The following SAMD12 variants were observed in gnomAD, a reference collection of about 807,000 sequenced individuals.
The protein encoded by SAMD12 is sterile alpha motif domain containing 12.
SAMD12 carries 9 observed loss-of-function variants against 15.0 expected under a neutral mutation model. That is an observed-to-expected ratio of 0.60 (90% CI 0.36 to 1.05). SAMD12 has a LOEUF of 1.05. Ranked by LOEUF, SAMD12 falls within the 50% of genes least tolerant of loss-of-function variation. SAMD12 has a pLI of 0.01. For missense variants in SAMD12, 230 were observed against 234.2 expected (o/e 0.98, Z 0.12); for synonymous variants, 86 against 90.1 (o/e 0.96, Z 0.25).
downstream of SAMD12, among the ~76,000 whole-genome samples, chr8:118,373,820 A>T (rs1819235407): frequency 6.6e-6 from 1 of 152,104 alleles, no homozygotes. Context: ...TACACTTTCT[A>T]CGTATTTGCA....
At chr8:118,221,580 G>C (rs375911857) in intron 4 of SAMD12, among the ~76,000 whole-genome samples, 1 of 152,112 alleles carries the variant, frequency 6.6e-6, no homozygotes, top group Non-Finnish European at 1.5e-5. Context: ...TGAGGGGTGG[G>C]AGAGAGATGG....
chr8:118,144,850 G>A, the SAMD12 span, among the ~76,000 whole-genome samples: 8 of 152,190 alleles, frequency 5.3e-5, no homozygotes, highest in Non-Finnish European at 1.0e-4. Flanking sequence ...TTCAACTGAG[G>A]TACTAAAAAT....
intron 3 of SAMD12, among the ~76,000 whole-genome samples, chr8:118,421,185 T>C (rs1414404553): frequency 6.6e-6 from 1 of 152,220 alleles, no homozygotes; most frequent in African/African-American, 2.4e-5. Context: ...TTAGACATTT[T>C]ATGAAAATTA....
chr8:118,539,135 T>C (rs1315448541), intron 2 of SAMD12, among the ~76,000 whole-genome samples: 3 of 152,252 alleles, frequency 2.0e-5, no homozygotes, highest in African/African-American at 7.2e-5. Context: ...ATCTGCTGCA[T>C]TGCTTTAGCA....
chr8:118,270,201 T>C (rs1012962557), intron 4 of SAMD12, among the ~76,000 whole-genome samples: 1 of 152,200 alleles, frequency 6.6e-6, no homozygotes, highest in Non-Finnish European at 1.5e-5. Context: ...CATATCCCTG[T>C]TAATACTAAC....
rs146277801 is a variant in SAMD12 at position 118,462,114 on chromosome 8, G to A, written c.193-22153C>T. Among the ~76,000 whole-genome samples the A allele has an allele frequency of 5.9e-5, 9 of 152,286 alleles. No homozygotes were observed. The East Asian group carries it at 1.7e-3, about 29-fold the overall frequency. On this transcript the variant is annotated intron_variant, in intron 2 of 3. Coordinates refer to ENST00000314727, the MANE Select transcript of SAMD12 (RefSeq NM_207506.3). ...CTAATTTTACTATAGTCCCATGTCT[G>A]TTCCTTCCTAAGCCTCCTTTATTTC...
At chr8:118,412,519 G>T (rs1422419225) in intron 3 of SAMD12, among the ~76,000 whole-genome samples, 1 of 152,178 alleles carries the variant, frequency 6.6e-6, no homozygotes, top group Non-Finnish European at 1.5e-5. Flanking sequence ...AGTGGTGTCT[G>T]TGTCCTTTCT....
intron 4 of SAMD12, among the ~76,000 whole-genome samples, chr8:118,216,151 G>A (rs1162128318): frequency 2.0e-5 from 3 of 148,888 alleles, no homozygotes; most frequent in African/African-American, 4.9e-5. Flanking sequence ...TTTAATGATT[G>A]CCATTCTAAC....
intron 2 of SAMD12, among the ~76,000 whole-genome samples, chr8:118,493,301 C>T (rs1020649862): frequency 2.6e-5 from 4 of 152,152 alleles, no homozygotes; most frequent in Non-Finnish European, 5.9e-5. Context: ...TCTATTACTC[C>T]TACTGCATAC....
intron 3 of SAMD12, among the ~76,000 whole-genome samples, chr8:118,410,155 G>C (rs887422408): frequency 2.0e-5 from 3 of 152,020 alleles, no homozygotes; most frequent in Admixed American, 2.0e-4. Context: ...TATATCTAAG[G>C]CTATTTACAC....
At chr8:118,520,432 C>T (rs1027399852) in intron 2 of SAMD12, among the ~76,000 whole-genome samples, 2 of 152,154 alleles carry the variant, frequency 1.3e-5, no homozygotes, top group Admixed American at 6.5e-5. Context: ...ATCACTTTCT[C>T]AGAAGTCTAT....
intron 3 of SAMD12, among the ~76,000 whole-genome samples, chr8:118,411,504 A>T (rs114668594): frequency 6.6e-6 from 1 of 152,210 alleles, no homozygotes; most frequent in Non-Finnish European, 1.5e-5. Context: ...AAAGCATCAC[A>T]GGGATTTAAA....
At chr8:118,472,742 A>T (rs1479339383) in intron 2 of SAMD12, among the ~76,000 whole-genome samples, 1 of 151,628 alleles carries the variant, frequency 6.6e-6, no homozygotes, top group Non-Finnish European at 1.5e-5. Context: ...GTGGTTTTCC[A>T]CTGGAATATC....
intron 2 of SAMD12, among the ~76,000 whole-genome samples, chr8:118,520,253 C>T (rs1825352534): frequency 1.3e-5 from 2 of 152,100 alleles, no homozygotes; most frequent in African/African-American, 4.8e-5. Context: ...AATATCTTTC[C>T]ATCTTCAAAT....
In SAMD12 at chr8:118,514,661, T is replaced by C. The variant is rs572156915; in HGVS notation, c.192+66054A>G. On this transcript the variant is annotated intron_variant, in intron 2 of 3. Coordinates refer to ENST00000314727, the MANE Select transcript of SAMD12 (RefSeq NM_207506.3). ...ACATAAAATAATTAAATAGAGACAA[T>C]TATAGGTAATATTAGATGCCTACCT... Among the ~76,000 whole-genome samples the C allele has an allele frequency of 2.6e-5, 4 of 152,350 alleles. No individual in the cohort carries two copies. The South Asian group carries it at 8.3e-4, about 32-fold the overall frequency.
At chr8:118,459,280 G>T (rs1372188985) in intron 2 of SAMD12, among the ~76,000 whole-genome samples, 9 of 152,008 alleles carry the variant, frequency 5.9e-5, no homozygotes, top group Non-Finnish European at 1.0e-4. Context: ...TGGCCAGGCT[G>T]GTCTCAAATT....
At chr8:118,498,351 T>G (rs1232034343) in intron 2 of SAMD12, among the ~76,000 whole-genome samples, 1 of 152,234 alleles carries the variant, frequency 6.6e-6, no homozygotes, top group Non-Finnish European at 1.5e-5. Flanking sequence ...TGCAATGAAA[T>G]ATAAAATAAG....
intron 1 of SAMD12, among the ~76,000 whole-genome samples, chr8:118,594,068 C>G (rs1298544116): frequency 1.3e-5 from 2 of 152,128 alleles, no homozygotes; most frequent in African/African-American, 4.8e-5. Flanking sequence ...TTGTTATAAG[C>G]TTTTAGAGAC....
the SAMD12 span, among the ~76,000 whole-genome samples, chr8:118,162,519 A>G: frequency 6.6e-6 from 1 of 151,960 alleles, no homozygotes; most frequent in Non-Finnish European, 1.5e-5. Flanking sequence ...GATAATGATG[A>G]GTTCATTGGA....
Sources: allele counts gnomAD v4.1 joint callset (sites outside exome capture counted in the v4.1 genomes callset), GRCh38; gene constraint gnomAD v4.1.1; transcripts MANE v1.5; gene names NCBI Gene and HGNC (gene_info 2026-07-23, HGNC 2026-07-21).